The following GALNTL6 variants were observed in gnomAD, a reference collection of about 807,000 sequenced individuals.
The protein encoded by GALNTL6 is polypeptide N-acetylgalactosaminyltransferase-like 6.
In GALNTL6, 46 loss-of-function variants were observed where a neutral mutation model predicts 73.7. The observed-to-expected ratio is 0.62, with a 90% CI of 0.49 to 0.80. The LOEUF (loss-of-function observed/expected upper bound fraction) is 0.80, where lower values mean the gene tolerates loss of function less well. Ranked by LOEUF, GALNTL6 falls within the 30% of genes least tolerant of loss-of-function variation. The pLI, the probability that GALNTL6 is intolerant of heterozygous loss-of-function variation, is 0.00. For missense variants in GALNTL6, 604 were observed against 755.0 expected, an observed-to-expected ratio of 0.80 and a Z score of 2.34; for synonymous variants, 259 against 263.7, an observed-to-expected ratio of 0.98 and a Z score of 0.17.
intron 2 of GALNTL6, among the ~76,000 whole-genome samples, chr4:172,012,077 CGA>C: frequency 6.6e-6 from 1 of 152,116 alleles, no homozygotes; most frequent in East Asian, 1.9e-4. Flanking sequence ...TCAAGTTAAA[CGA>C]ACTCTGTAAT....
chr4:171,949,837 G>C (rs901899706), intron 2 of GALNTL6, among the ~76,000 whole-genome samples: 4 of 152,148 alleles, frequency 2.6e-5, no homozygotes, highest in Admixed American at 2.0e-4. Context: ...TAAAATGGTA[G>C]AATGCGTAAA....
intron 3 of GALNTL6, among the ~76,000 whole-genome samples, chr4:172,304,120 G>A (rs1356101853): frequency 3.3e-5 from 5 of 152,108 alleles, no homozygotes; most frequent in Non-Finnish European, 7.3e-5. Context: ...AATAACTGTG[G>A]TGTTCATATT....
intron 2 of GALNTL6, among the ~76,000 whole-genome samples, chr4:172,034,695 C>T (rs2110827750): frequency 6.6e-6 from 1 of 152,048 alleles, no homozygotes; most frequent in Admixed American, 6.6e-5. Context: ...TGCATTGAAA[C>T]ATTAAATTCA....
chr4:172,378,185 T>A (rs973829662), intron 5 of GALNTL6, among the ~76,000 whole-genome samples: 1 of 152,188 alleles, frequency 6.6e-6, no homozygotes, highest in Non-Finnish European at 1.5e-5. Context: ...AGAGTTCTAA[T>A]ATTGAAGTTA....
chr4:172,776,127 T>G (rs1411628240), intron 5 of GALNTL6, among the ~76,000 whole-genome samples: 1 of 152,226 alleles, frequency 6.6e-6, no homozygotes, highest in East Asian at 1.9e-4. Flanking sequence ...GAAACTGAGA[T>G]AATTAATGTG....
intron 3 of GALNTL6, among the ~76,000 whole-genome samples, chr4:172,279,001 A>T (rs748176196): frequency 2.6e-5 from 4 of 152,168 alleles, no homozygotes; most frequent in Non-Finnish European, 5.9e-5. Flanking sequence ...GTTTTGGGAA[A>T]ATTGGATATC....
intron 12 of GALNTL6, among the ~76,000 whole-genome samples, chr4:173,036,454 A>G (rs1029377167): frequency 1.3e-5 from 2 of 152,302 alleles, no homozygotes; most frequent in Non-Finnish European, 2.9e-5. Flanking sequence ...GCCCCTTTCA[A>G]TGAGCTACCT....
chr4:172,934,201 CCTT>C (rs1489429590), intron 9 of GALNTL6, among the ~76,000 whole-genome samples: 4 of 152,162 alleles, frequency 2.6e-5, no homozygotes, highest in African/African-American at 7.2e-5. Flanking sequence ...ATAGCTGTGA[CCTT>C]CTTCAGTCCT....
At chr4:172,680,440 GA>G (rs1732572320) in intron 5 of GALNTL6, among the ~76,000 whole-genome samples, 1 of 152,100 alleles carries the variant, frequency 6.6e-6, no homozygotes, top group African/African-American at 2.4e-5. Context: ...AGGAAGGAAG[GA>G]GGGGGGAAAG....
chr4:172,402,616 A>G (rs1244390992), intron 5 of GALNTL6, among the ~76,000 whole-genome samples: 1 of 152,122 alleles, frequency 6.6e-6, no homozygotes, highest in East Asian at 1.9e-4. Context: ...AAGGATTTCA[A>G]AAAGACTGTT....
At chr4:173,024,310 GT>G (rs1753140887) in intron 12 of GALNTL6, among the ~76,000 whole-genome samples, 1 of 152,170 alleles carries the variant, frequency 6.6e-6, no homozygotes, top group South Asian at 2.1e-4. Flanking sequence ...TTAGCAAAAG[GT>G]TACACTCCAT....
intron 2 of GALNTL6, among the ~76,000 whole-genome samples, chr4:172,028,865 C>T (rs1483637923): frequency 1.3e-5 from 2 of 151,798 alleles, no homozygotes; most frequent in African/African-American, 4.8e-5. Context: ...GCTGACATTT[C>T]AAAATAAAAA....
intron 2 of GALNTL6, among the ~76,000 whole-genome samples, chr4:171,825,704 C>T (rs1415718269): frequency 2.0e-5 from 3 of 152,130 alleles, no homozygotes. Flanking sequence ...CTCCTCTTCC[C>T]AACTTCTTAG....
At chr4:172,739,046 T>A (rs1482221059) in intron 5 of GALNTL6, among the ~76,000 whole-genome samples, 1 of 152,184 alleles carries the variant, frequency 6.6e-6, no homozygotes, top group Non-Finnish European at 1.5e-5. Context: ...AAAGTCTGTG[T>A]TAATGTTAAT....
Position 172,111,289 on chromosome 4 carries a change from A to G in GALNTL6, c.139-118367A>G, listed in dbSNP as rs549507754. ...CAGCCCGGTCTTACAAATTTATACT[A>G]TCAAAGATGGAGAGGAATGATGCAA... On this transcript the variant is annotated intron_variant, in intron 2 of 12. Transcript: ENST00000506823. Among the ~76,000 whole-genome samples the G allele has an allele frequency of 3.8e-4, 58 of 152,230 alleles. 1 individual carries two copies. Among genetic ancestry groups the G allele is most frequent in the African/African-American group, 1.3e-3 (54 of 41,584 alleles).
chr4:172,111,462 A>C (rs1732849134), intron 2 of GALNTL6, among the ~76,000 whole-genome samples: 1 of 152,034 alleles, frequency 6.6e-6, no homozygotes, highest in South Asian at 2.1e-4. Flanking sequence ...AAATCAGTAC[A>C]GAAAAGATGA....
chr4:172,802,478 C>A (rs529583529), intron 5 of GALNTL6, among the ~76,000 whole-genome samples: 79 of 152,212 alleles, frequency 5.2e-4, no homozygotes, highest in African/African-American at 1.8e-3. Flanking sequence ...AGGAACTCTT[C>A]AAACTTCCAT....
rs1026811835 is a variant in GALNTL6 at position 172,400,870 on chromosome 4, T to C, written c.553+52181T>C. 3.3e-5 allele frequency among the ~76,000 whole-genome samples: 5 copies of C among 152,168 alleles called. No individual in the cohort carries two copies. In the East Asian group the frequency reaches 9.6e-4, roughly 29 times the overall value. Reference sequence around the variant, plus strand: ...AAACATGACCACTCTATCGACATCCTTGACTGTATGTTCCTGTTTACTGAG... The same window carrying C: ...AAACATGACCACTCTATCGACATCCCTGACTGTATGTTCCTGTTTACTGAG... On this transcript the variant is annotated intron_variant, in intron 5 of 12. Transcript: ENST00000506823.
intron 2 of GALNTL6, among the ~76,000 whole-genome samples, chr4:171,905,680 C>A (rs1737254009): frequency 6.6e-6 from 1 of 150,598 alleles, no homozygotes; most frequent in African/African-American, 2.5e-5. Flanking sequence ...CCCAATTCAA[C>A]AGAATATATG....
Sources: gnomAD v4.1 joint callset for allele counts (sites outside exome capture counted in the v4.1 genomes callset) on GRCh38, gnomAD v4.1.1 for gene constraint, MANE v1.5 for transcripts, NCBI Gene and HGNC (gene_info 2026-07-23, HGNC 2026-07-21) for gene names.